The following OXR1 variants were observed in gnomAD, a reference collection of about 807,000 sequenced individuals.
The protein encoded by OXR1 is oxidation resistance 1.
OXR1 carries 41 observed loss-of-function variants against 104.6 expected under a neutral mutation model. That is an observed-to-expected ratio of 0.39 (90% CI 0.31 to 0.51). The LOEUF (loss-of-function observed/expected upper bound fraction) is 0.51. Ranked by LOEUF, OXR1 falls within the 20% of genes least tolerant of loss-of-function variation. OXR1 has a pLI of 0.77. For missense variants in OXR1, 955 were observed against 1,031.9 expected, an observed-to-expected ratio of 0.93 and a Z score of 1.02; for synonymous variants, 348 against 348.4, an observed-to-expected ratio of 1.00 and a Z score of 0.01.
chr8:106,351,511 T>A (rs148332362), intron 1 of OXR1, among the ~76,000 whole-genome samples: 48 of 152,126 alleles, frequency 3.2e-4, no homozygotes, highest in African/African-American at 1.0e-3. Flanking sequence ...AAATAGCACA[T>A]CAAAGGCCTG....
At chr8:106,365,668 T>A (rs1816441066) in intron 2 of OXR1, among the ~76,000 whole-genome samples, 1 of 152,182 alleles carries the variant, frequency 6.6e-6, no homozygotes, top group Admixed American at 6.5e-5. Context: ...TTTAATTAAA[T>A]ACACTACATT....
chr8:106,706,432 C>G lies in OXR1; in HGVS notation c.911C>G (p.Thr304Arg). 1 of 1,589,940 alleles carries G rather than the reference C, an allele frequency of 6.3e-7. No homozygotes were observed. The highest frequency in any genetic ancestry group is 8.5e-7 in the Non-Finnish European group (1 of 1,172,882). ...GACTTCTGCCATTCAAAGAAAATGA[C>G]AGGAAGTAACACTGAGGAAATAGAC... ...GRDFCHSKKM[T>R]GSNTEEIDSR... The change falls in exon 9 of 17, where the codon ACA (threonine) becomes AGA (arginine). Residue 304 changes from threonine (T) to arginine (R), a missense_variant. Thr to Arg is a moderately conservative substitution (Grantham distance 71). This residue lies in a region of OXR1 where 849 missense variants were observed against 852.9 expected (regional missense o/e 1.00). Transcript: ENST00000517566.
chr8:106,519,076 A>C lies in OXR1; in HGVS notation c.157A>C (p.Asn53His). The C allele has an allele frequency of 6.4e-7, 1 of 1,552,190 alleles. No homozygotes were observed. The highest frequency in any genetic ancestry group is 8.7e-7 in the Non-Finnish European group (1 of 1,147,046). ...KTPIIEEEQNNAANTQKHPSR... is the reference protein window; with the variant it reads ...KTPIIEEEQNHAANTQKHPSR... ...CCCCATCATTGAAGAAGAGCAGAAC[A>C]ATGCAGCAAATACTCAGAAACATCC... The change falls in exon 3 of 17, where the codon AAT becomes CAT. Residue 53 changes from asparagine (N) to histidine (H), a missense_variant. Physicochemically the swap from Asn to His is moderately conservative, Grantham distance 68. Around this residue, in one of 2 missense-constraint regions of OXR1, gnomAD observed 849 missense variants for 852.9 expected, o/e 1.00. Coordinates refer to ENST00000517566, the MANE Select transcript of OXR1 (RefSeq NM_001198533.2).
intron 2 of OXR1, among the ~76,000 whole-genome samples, chr8:106,465,373 C>G (rs1188243336): frequency 1.3e-5 from 2 of 151,942 alleles, no homozygotes; most frequent in African/African-American, 4.8e-5. Flanking sequence ...AGAGGTCAAA[C>G]CATGTACAGC....
At chr8:106,300,774 T>C (rs1386203999) in intron 1 of OXR1, among the ~76,000 whole-genome samples, 1 of 152,212 alleles carries the variant, frequency 6.6e-6, no homozygotes. Flanking sequence ...AAGAAGCTCC[T>C]GTGCATTATC....
At chr8:106,343,815 G>C (rs1586547953) in intron 1 of OXR1, among the ~76,000 whole-genome samples, 2 of 152,168 alleles carry the variant, frequency 1.3e-5, no homozygotes, top group African/African-American at 4.8e-5. Context: ...TAGTGCTTCA[G>C]TGTTTTGCAT....
intron 1 of OXR1, among the ~76,000 whole-genome samples, chr8:106,316,729 T>TATC (rs772836219): frequency 0.056 from 5,273 of 93,524 alleles, 100 homozygotes; most frequent in Middle Eastern, 0.087. Context: ...TCTATCTATC[T>TATC]ATCTATCTAT....
chr8:106,447,960 A>G, intron 2 of OXR1: 2 of 1,535,294 alleles, frequency 1.3e-6, no homozygotes, highest in Non-Finnish European at 1.7e-6. Context: ...AGGTAACAGA[A>G]CTCTGATCAG....
intron 3 of OXR1, among the ~76,000 whole-genome samples, chr8:106,638,674 GCAGATCACCTGAGTT>G (rs962917939): frequency 6.6e-6 from 1 of 152,168 alleles, no homozygotes; most frequent in African/African-American, 2.4e-5. Flanking sequence ...GCCGAGGTGG[GCAGATCACCTGAGTT>G]CAGGACTAGC....
chr8:106,536,188 C>G (rs566034718), intron 3 of OXR1, among the ~76,000 whole-genome samples: 1 of 151,088 alleles, frequency 6.6e-6, no homozygotes. Flanking sequence ...CCACTGCACT[C>G]CAGCCAGGGC....
chr8:106,692,887 G>A lies in OXR1; in HGVS notation c.675+10G>A. The A allele has an allele frequency of 1.3e-6, 2 of 1,577,582 alleles. No individual in the cohort carries two copies. On this transcript the variant is annotated intron_variant, in intron 7 of 16. Transcript: ENST00000517566. ...TATTACCAGTGGCAAGGTAAAGAAT[G>A]ACACTTTAGAGAAGACCTTTAATCA...
At chr8:106,669,383 G>A (rs1826689469) in intron 3 of OXR1, among the ~76,000 whole-genome samples, 1 of 152,070 alleles carries the variant, frequency 6.6e-6, no homozygotes, top group African/African-American at 2.4e-5. Context: ...GCAGAAAGAT[G>A]GAGTAGTATC....
intron 1 of OXR1, among the ~76,000 whole-genome samples, chr8:106,295,571 G>A (rs898928091): frequency 3.3e-5 from 5 of 151,900 alleles, no homozygotes; most frequent in South Asian, 2.1e-4. Flanking sequence ...TCTCTTATTT[G>A]CTTTAGTATC....
At chr8:106,626,334 TAA>T (rs773984078) in intron 3 of OXR1, among the ~76,000 whole-genome samples, 2 of 145,440 alleles carry the variant, frequency 1.4e-5, no homozygotes, top group South Asian at 4.3e-4. Context: ...ATTCATTTTC[TAA>T]AAAAAAAAAG....
intron 11 of OXR1, among the ~76,000 whole-genome samples, chr8:106,731,107 C>T (rs1833849108): frequency 6.6e-6 from 1 of 152,068 alleles, no homozygotes; most frequent in African/African-American, 2.4e-5. Flanking sequence ...ATTTGCATTT[C>T]CCTGGTGACA....
At chr8:106,577,196 T>TTTTTGTTTTG (rs1325087463) in intron 3 of OXR1, among the ~76,000 whole-genome samples, 9 of 151,378 alleles carry the variant, frequency 5.9e-5, no homozygotes, top group African/African-American at 1.7e-4. Context: ...CTATCCGTTT[T>TTTTTGTTTTG]TTTTGTTTTG....
intron 2 of OXR1, among the ~76,000 whole-genome samples, chr8:106,498,185 A>C (rs1156381847): frequency 6.6e-6 from 1 of 152,192 alleles, no homozygotes; most frequent in Admixed American, 6.5e-5. Context: ...TTGTAGTAAA[A>C]TATAATTTTA....
At chr8:106,303,485 G>A (rs1474286174) in intron 1 of OXR1, among the ~76,000 whole-genome samples, 2 of 151,726 alleles carry the variant, frequency 1.3e-5, no homozygotes, top group Non-Finnish European at 2.9e-5. Flanking sequence ...TGATCCACCC[G>A]CCTTGGCCTC....
At chr8:106,402,012 G>T (rs954543189) in intron 2 of OXR1, among the ~76,000 whole-genome samples, 6 of 152,148 alleles carry the variant, frequency 3.9e-5, no homozygotes, top group African/African-American at 1.4e-4. Context: ...ACGGCTTCTG[G>T]TAGGCCTTAT....
Sources: gnomAD v4.1 joint callset for allele counts (sites outside exome capture counted in the v4.1 genomes callset) on GRCh38, gnomAD v4.1.1 for gene constraint, gnomAD v4.1.1 regional missense constraint, MANE v1.5 for transcripts, NCBI Gene and HGNC (gene_info 2026-07-23, HGNC 2026-07-21) for gene names.